The following DKKL1 variants were observed in gnomAD, a reference collection of about 807,000 sequenced individuals.
DKKL1 encodes the protein dickkopf-like protein 1.
Under a neutral mutation model 16.5 loss-of-function variants are expected in DKKL1, and 11 were observed. That is an observed-to-expected ratio of 0.67 (90% CI 0.42 to 1.10). The LOEUF is 1.10. Among genes scored for constraint, DKKL1 ranks in the 50% least tolerant of loss-of-function variants. DKKL1 has a pLI of 0.00. For missense variants in DKKL1, 320 were observed against 308.1 expected (o/e 1.04, Z -0.29); for synonymous variants, 119 against 133.2 (o/e 0.89, Z 0.73).
intron 4 of DKKL1, chr19:49,369,216 A>G (rs1973377982): frequency 6.6e-6 from 1 of 152,136 alleles, no homozygotes; most frequent in Admixed American, 6.5e-5. Flanking sequence ...TCCTTGCGAC[A>G]CCAAGAAACA....
rs919364 is a variant in DKKL1, at chr19:49,364,656, G to A, written c.85G>A (p.Ala29Thr). 0.3 allele frequency: 485,394 copies of A among 1,613,592 alleles called. 74,941 individuals carry two copies. The highest frequency in any genetic ancestry group is 0.32 in the African/African-American group (24,289 of 74,948). Reference protein sequence around the residue: ...LLLSTLVIPSAAAPIHDADAQ... With the variant: ...LLLSTLVIPSTAAPIHDADAQ... ...CCTCTCTACCCTGGTGATCCCCTCCGCTGCAGCTCCTATCCATGATGCTGA... is the reference window on the plus strand; with the variant it reads ...CCTCTCTACCCTGGTGATCCCCTCCACTGCAGCTCCTATCCATGATGCTGA... Residue 29 changes from alanine to threonine, a missense_variant, in exon 2 of 5, where the codon GCT (alanine) becomes ACT (threonine). Transcript: ENST00000221498.
intron 3 of DKKL1, 49 bp downstream of exon 3, chr19:49,365,698 T>A (rs748930330): frequency 1.9e-5 from 31 of 1,595,698 alleles, no homozygotes; most frequent in Non-Finnish European, 1.7e-6. Context: ...GATCCCTCCA[T>A]CCCGCCATCC....
chr19:49,365,259 A>G (rs922681119), intron 2 of DKKL1, among the ~76,000 whole-genome samples: 1 of 152,140 alleles, frequency 6.6e-6, no homozygotes, highest in African/African-American at 2.4e-5. Flanking sequence ...GACTGGGGAA[A>G]GAGACAGGAG....
intron 4 of DKKL1, chr19:49,370,031 GA>G (rs1973414548): frequency 6.6e-6 from 1 of 152,250 alleles, no homozygotes; most frequent in South Asian, 2.1e-4. Context: ...CAGGGGAGCA[GA>G]CCAGCGACAC....
chr19:49,362,881 T>G (rs1198556680), upstream of DKKL1, among the ~76,000 whole-genome samples: 1 of 150,690 alleles, frequency 6.6e-6, no homozygotes, highest in South Asian at 2.1e-4. Flanking sequence ...AGCCCTGAGG[T>G]TTTTTTTCTT....
upstream of DKKL1, chr19:49,362,248 A>G (rs1387461815): frequency 6.6e-6 from 1 of 152,422 alleles, no homozygotes; most frequent in African/African-American, 2.4e-5. Context: ...CCCGGGCAAA[A>G]AGAGGGCTGC....
intron 4 of DKKL1, among the ~76,000 whole-genome samples, chr19:49,366,993 C>T (rs1477068703): frequency 6.6e-6 from 1 of 151,708 alleles, no homozygotes; most frequent in African/African-American, 2.4e-5. Context: ...TAGACATGAG[C>T]CACCACACCT....
At chr19:49,371,810 C>A (rs962025712) in intron 4 of DKKL1, among the ~76,000 whole-genome samples, 35 of 148,618 alleles carry the variant, frequency 2.4e-4, no homozygotes, top group Non-Finnish European at 1.0e-4. Context: ...TGTGATGTTT[C>A]CCTTCCTGTG....
Position 49,364,697 on chromosome 19 carries a change from C to T in DKKL1, c.126C>T (p.Ser42=), listed in dbSNP as rs1973182572. 6.2e-7 allele frequency: 1 copy of T among 1,613,994 alleles called. No homozygotes were observed. Among genetic ancestry groups the T allele is most frequent in the African/African-American group, 1.3e-5 (1 of 74,944 alleles). The part of the protein sequence containing the change: ...PIHDADAQES[S]LGLTGLQSLL... ...ATGATGCTGACGCCCAAGAGAGCTCCTTGGGTCTCACAGGCCTCCAGAGCC... is the reference window on the plus strand; with the variant it reads ...ATGATGCTGACGCCCAAGAGAGCTCTTTGGGTCTCACAGGCCTCCAGAGCC... Residue 42 remains serine (S), a synonymous_variant, in exon 2 of 5, where the codon TCC becomes TCT. Coordinates refer to ENST00000221498, the MANE Select transcript of DKKL1 (RefSeq NM_014419.4).
chr19:49,372,308 C>G (rs564148402), intron 4 of DKKL1, among the ~76,000 whole-genome samples: 2 of 152,096 alleles, frequency 1.3e-5, no homozygotes, highest in Admixed American at 1.3e-4. Context: ...TACCCGTAGT[C>G]CCAGCACTTT....
chr19:49,360,529 A>C (rs1342889865), upstream of DKKL1: 1 of 169,702 alleles, frequency 5.9e-6, no homozygotes, highest in African/African-American at 2.4e-5. Context: ...ATTACCCTAG[A>C]GTAATGCCGA....
intron 4 of DKKL1, among the ~76,000 whole-genome samples, chr19:49,373,725 C>T (rs1973602564): frequency 6.6e-6 from 1 of 152,102 alleles, no homozygotes; most frequent in Admixed American, 6.6e-5. Flanking sequence ...CCACCTCAGC[C>T]TCGCAAAGTG....
At chr19:49,367,386 T>C (rs8107548) in intron 4 of DKKL1, among the ~76,000 whole-genome samples, 36,825 of 151,278 alleles carry the variant, frequency 0.24, 4,784 homozygotes, top group South Asian at 0.46. Context: ...AAATGCGTTG[T>C]GTATTTCACC....
upstream of DKKL1, chr19:49,363,548 T>A (rs370921703): frequency 8.9e-4 from 285 of 320,622 alleles, 3 homozygotes; most frequent in South Asian, 7.3e-3. Flanking sequence ...GGCGTGGCTT[T>A]CAGCCAAGGG....
At chr19:49,371,762 TC>T (rs1973497911) in intron 4 of DKKL1, among the ~76,000 whole-genome samples, 1 of 151,888 alleles carries the variant, frequency 6.6e-6, no homozygotes, top group African/African-American at 2.4e-5. Flanking sequence ...ATGCTATCCC[TC>T]CCCTGACCCC....
At position 49,364,631 on chromosome 19, in the gene DKKL1, C is replaced by G; in HGVS notation, c.60C>G (p.Leu20=). ...GGCATCTGCTGGTCCTGCTGCTGCTCCTCTCTACCCTGGTGATCCCCTCCG... is the reference window on the plus strand; with the variant it reads ...GGCATCTGCTGGTCCTGCTGCTGCTGCTCTCTACCCTGGTGATCCCCTCCG... ...ARRHLLVLLL[L]LSTLVIPSAA... Residue 20 remains leucine (L), a synonymous_variant, in exon 2 of 5, where the codon CTC becomes CTG. Coordinates refer to ENST00000221498, the MANE Select transcript of DKKL1 (RefSeq NM_014419.4). The G allele has an allele frequency of 6.2e-7, 1 of 1,613,588 alleles. No individual in the cohort carries two copies. Among genetic ancestry groups the G allele is most frequent in the Non-Finnish European group, 8.5e-7 (1 of 1,180,016 alleles).
chr19:49,374,992 C>T lies in DKKL1; in HGVS notation c.693C>T (p.His231=). Residue 231 remains histidine, a synonymous_variant, in exon 5 of 5, where the codon CAC becomes CAT. Coordinates refer to ENST00000221498, the MANE Select transcript of DKKL1 (RefSeq NM_014419.4). ...CCAGGCTGTCCCCCCGAAAGACCCA[C>T]TTACTGTACATCCTCAGGCCCTCTC... ...SHSRLSPRKT[H]LLYILRPSRQ... 6.2e-7 allele frequency: 1 copy of T among 1,612,922 alleles called. No homozygotes were observed. The highest frequency in any genetic ancestry group is 2.2e-5 in the East Asian group (1 of 44,870).
upstream of DKKL1, among the ~76,000 whole-genome samples, chr19:49,361,207 G>GACAGAGACCCAGAGAGGGGA (rs1972888555): frequency 1.0e-5 from 1 of 100,116 alleles, no homozygotes; most frequent in African/African-American, 5.8e-5. Flanking sequence ...CAGAGAGGGA[G>GACAGAGACCCAGAGAGGGGA]ACAGAGACCC....
At chr19:49,365,929 T>G (rs1555787850) in intron 4 of DKKL1, 44 bp downstream of exon 4, 1 of 1,555,850 alleles carries the variant, frequency 6.4e-7, no homozygotes, top group East Asian at 2.3e-5. Context: ...CCCAAACATT[T>G]TCTTTTTTTC....
Sources: gnomAD v4.1 joint callset for allele counts (sites outside exome capture counted in the v4.1 genomes callset) on GRCh38, gnomAD v4.1.1 for gene constraint, MANE v1.5 for transcripts, NCBI Gene and HGNC (gene_info 2026-07-23, HGNC 2026-07-21) for gene names.